ADAMTSL4: variants seen among roughly 807,000 people sequenced by gnomAD.
ADAMTSL4 encodes the protein ADAMTS like 4.
In ADAMTSL4, 97 loss-of-function variants were observed where a neutral mutation model predicts 122.8. The ratio of observed to expected loss-of-function variants is 0.79; its 90% CI spans 0.67 to 0.93. The LOEUF is 0.93. ADAMTSL4 is among the 40% of genes least tolerant of loss of function. ADAMTSL4 has a pLI of 0.00. For missense variants in ADAMTSL4, 1,408 were observed against 1,453.5 expected (o/e 0.97, Z 0.51); for synonymous variants, 592 against 568.0 (o/e 1.04, Z -0.60).
Position 150,556,483 on chromosome 1 carries a change from T to A in ADAMTSL4, c.1576+117T>A, listed in dbSNP as rs1318475285. The A allele has an allele frequency of 1.3e-6, 2 of 1,556,572 alleles. No homozygotes were observed. The highest frequency in any genetic ancestry group is 2.3e-5 in the East Asian group (1 of 44,190). ...GTCCAGGGCCTAGCCCCTCCCCTCG[T>A]GGAAGGAGTGAGGAAGCTGAGAGGG... is the stretch of plus-strand genomic sequence containing the variant. On this transcript the variant is annotated intron_variant, in intron 9 of 18. Coordinates refer to ENST00000271643, the MANE Select transcript of ADAMTSL4 (RefSeq NM_019032.6). The surrounding 1 kb of genome is among the most constrained non-coding windows in gnomAD (Gnocchi z 4.1).
At chr1:150,555,700 C>CACAG in intron 8 of ADAMTSL4, 135 bp downstream of exon 8, 1 of 168,576 alleles carries the variant, frequency 5.9e-6, no homozygotes, top group Non-Finnish European at 7.9e-6. Context: ...CGCATATGCG[C>CACAG]ACAGACACAT....
Position 150,556,973 on chromosome 1 carries a change from A to T in ADAMTSL4, c.1784A>T (p.Tyr595Phe), listed in dbSNP as rs768181457. 1 of 1,613,596 alleles carries T rather than the reference A, an allele frequency of 6.2e-7. No homozygotes were observed. Among genetic ancestry groups the T allele is most frequent in the South Asian group, 1.1e-5 (1 of 91,058 alleles). ...IFQEENPGVF[Y>F]QYVISSPPPI... ...CAGGAGGAAAACCCAGGCGTTTTTT[A>T]TCAGTATGTCATCTCTTCACCTCCT... Residue 595 changes from tyrosine to phenylalanine, a missense_variant, in exon 11 of 19, where the codon TAT becomes TTT. Coordinates refer to ENST00000271643, the MANE Select transcript of ADAMTSL4 (RefSeq NM_019032.6). This position sits in a 1 kb window ranked among gnomAD's most constrained non-coding sequence, Gnocchi z 4.1.
chr1:150,552,881 C>A lies in ADAMTSL4; in HGVS notation c.79-17C>A, dbSNP rs977889757. 1.2e-6 allele frequency: 2 copies of A among 1,608,748 alleles called. No individual in the cohort carries two copies. Among genetic ancestry groups the A allele is most frequent in the African/African-American group, 1.3e-5 (1 of 74,960 alleles). On this transcript the variant is annotated splice_polypyrimidine_tract_variant and intron_variant, in intron 4 of 18. Coordinates refer to ENST00000271643, the MANE Select transcript of ADAMTSL4 (RefSeq NM_019032.6). The surrounding 1 kb of genome is among the most constrained non-coding windows in gnomAD (Gnocchi z 4.0). ...CTCTAATCCTTCCAATTCTGTCTGA[C>A]CTTTTTCTCTATATAGGTGTTGTCC...
intron 8 of ADAMTSL4, among the ~76,000 whole-genome samples, 162 bp downstream of exon 8, chr1:150,555,727 A>G (rs587739867): frequency 1.1e-4 from 16 of 149,718 alleles, no homozygotes; most frequent in East Asian, 1.9e-4. Flanking sequence ...ACGCACACAC[A>G]CACACGCACA....
At position 150,556,188 on chromosome 1, in the gene ADAMTSL4, C is replaced by T. The variant is rs745377350; in HGVS notation, c.1398C>T (p.Gly466=). 7 of 1,614,192 alleles carry T rather than the reference C, an allele frequency of 4.3e-6. No homozygotes were observed. The South Asian group carries it at 7.7e-5, about 18-fold the overall frequency. The change falls in exon 9 of 19, where the codon GGC becomes GGT. Residue 466 remains glycine, a synonymous_variant. Coordinates refer to ENST00000271643, the MANE Select transcript of ADAMTSL4 (RefSeq NM_019032.6). This position sits in a 1 kb window ranked among gnomAD's most constrained non-coding sequence, Gnocchi z 4.1. ...CLSPGCDGIL[G]SGRRPDGCGV... ...GCCCCGGCTGTGATGGGATCCTTGGCTCTGGCAGGCGTCCTGATGGCTGTG... is the reference window on the plus strand; with the variant it reads ...GCCCCGGCTGTGATGGGATCCTTGGTTCTGGCAGGCGTCCTGATGGCTGTG...
At chr1:150,551,930 G>T in intron 2 of ADAMTSL4, 1 of 315,702 alleles carries the variant, frequency 3.2e-6, no homozygotes, top group East Asian at 5.4e-5. Flanking sequence ...GCCTGAGCCG[G>T]CTTAGAAACA....
In ADAMTSL4 at chr1:150,553,067, C is replaced by T. The variant is rs1165572545; in HGVS notation, c.248C>T (p.Pro83Leu). 6.2e-7 allele frequency: 1 copy of T among 1,613,306 alleles called. No individual in the cohort carries two copies. Among genetic ancestry groups the T allele is most frequent in the Admixed American group, 1.7e-5 (1 of 59,988 alleles). Residue 83 changes from proline to leucine, a missense_variant, in exon 5 of 19, where the codon CCC (proline) becomes CTC (leucine). Coordinates refer to ENST00000271643, the MANE Select transcript of ADAMTSL4 (RefSeq NM_019032.6). ...ACAGTGCAGCTCCACCCGAGTCTGC[C>T]CCTCCCTCCCCGGCCCCCAAGACAT... ...LPTVQLHPSLPLPPRPPRHPE... is the reference protein window; with the variant it reads ...LPTVQLHPSLLLPPRPPRHPE...
rs1570951013 is a variant in ADAMTSL4 at position 150,557,238 on chromosome 1, G to C, written c.1950G>C (p.Gln650His). 1.9e-6 allele frequency: 3 copies of C among 1,605,676 alleles called. No homozygotes were observed. The highest frequency in any genetic ancestry group is 1.3e-5 in the African/African-American group (1 of 74,816). Reference sequence around the variant, plus strand: ...TCCAGCGTCAGGTGCGGATCCCCCAGATGCCCGCCCCGCCCCATCCCAGGA... The same window carrying C: ...TCCAGCGTCAGGTGCGGATCCCCCACATGCCCGCCCCGCCCCATCCCAGGA... ...GTLQRQVRIP[Q>H]MPAPPHPRTP... The change falls in exon 12 of 19, where the codon CAG (glutamine) becomes CAC (histidine). Residue 650 changes from glutamine to histidine, a missense_variant. By Grantham distance (24) the Gln-to-His change is conservative. Coordinates refer to ENST00000271643, the MANE Select transcript of ADAMTSL4 (RefSeq NM_019032.6).
chr1:150,555,708 CAT>C, intron 8 of ADAMTSL4, 143 bp downstream of exon 8: 1 of 1,175,568 alleles, frequency 8.5e-7, no homozygotes, highest in Non-Finnish European at 1.2e-6. Context: ...CGCACAGACA[CAT>C]GCACACACGC....
Position 150,553,953 on chromosome 1 carries a change from G to C in ADAMTSL4, c.962G>C (p.Gly321Ala). 6.2e-7 allele frequency: 1 copy of C among 1,610,282 alleles called. No homozygotes were observed. The highest frequency in any genetic ancestry group is 1.1e-5 in the South Asian group (1 of 90,798). ...GGCCAAGGGCCTTGGGGAACGGGGG[G>C]GACTCCTCACGGGCCCCGCCTGGAG... is the stretch of plus-strand genomic sequence containing the variant. ...QQGQGPWGTG[G>A]TPHGPRLEPD... The change falls in exon 6 of 19, where the codon GGG (glycine) becomes GCG (alanine). Residue 321 changes from glycine to alanine, a missense_variant. Physicochemically the swap from Gly to Ala is moderately conservative, Grantham distance 60. Coordinates refer to ENST00000271643, the MANE Select transcript of ADAMTSL4 (RefSeq NM_019032.6).
chr1:150,557,531 G>T lies in ADAMTSL4; in HGVS notation c.2085G>T (p.Glu695Asp), dbSNP rs2101640451. The change falls in exon 13 of 19, where the codon GAG becomes GAT. Residue 695 changes from glutamate (E) to aspartate (D), a missense_variant. Physicochemically the swap from Glu to Asp is conservative, Grantham distance 45. Transcript: ENST00000271643. ...WRPIFLCISR[E>D]SGEELDERSC... ...CCATTTTCCTCTGCATCTCCCGTGA[G>T]TCGGGAGAGGAACTGGATGAACGCA... The T allele has an allele frequency of 1.2e-6, 2 of 1,612,380 alleles. No homozygotes were observed. Among genetic ancestry groups the T allele is most frequent in the Middle Eastern group, 1.6e-4 (1 of 6,062 alleles).
In ADAMTSL4 at chr1:150,556,110, T is replaced by C. The variant is rs1672079839; in HGVS notation, c.1372-52T>C. 1 of 1,599,396 alleles carries C rather than the reference T, an allele frequency of 6.3e-7. No individual in the cohort carries two copies. Among genetic ancestry groups the C allele is most frequent in the Non-Finnish European group, 8.5e-7 (1 of 1,169,726 alleles). On this transcript the variant is annotated intron_variant, in intron 8 of 18. Coordinates refer to ENST00000271643, the MANE Select transcript of ADAMTSL4 (RefSeq NM_019032.6). The surrounding 1 kb of genome is among the most constrained non-coding windows in gnomAD (Gnocchi z 4.1). Reference sequence around the variant, plus strand: ...GGCTCCCGAGGGGACCGGGGTGGGGTTGAGGTGGTGTCTGGCGTTCTGTGG... The same window carrying C: ...GGCTCCCGAGGGGACCGGGGTGGGGCTGAGGTGGTGTCTGGCGTTCTGTGG...
chr1:150,554,686 G>A lies in ADAMTSL4; in HGVS notation c.1234+219G>A, dbSNP rs1198123291. 3.9e-6 allele frequency: 6 copies of A among 1,528,002 alleles called. No homozygotes were observed. Among genetic ancestry groups the A allele is most frequent in the Non-Finnish European group, 3.5e-6 (4 of 1,140,710 alleles). 94.7% of individuals were successfully genotyped at this position (1,528,002 alleles called of 1,614,324 possible). A position where few individuals can be genotyped will look rare whatever the true frequency, so the allele number is the denominator to read the frequency against. On this transcript the variant is annotated intron_variant, in intron 7 of 18. Transcript: ENST00000271643. The surrounding 1 kb of genome is among the most constrained non-coding windows in gnomAD (Gnocchi z 4.0). ...TGGGAGGAGGAGGTGTGGGAGACAC[G>A]CTTTGTCCGGACTCCCCTGGGAAGG... is the stretch of plus-strand genomic sequence containing the variant.
chr1:150,559,884 C>T lies in ADAMTSL4; in HGVS notation c.3067C>T (p.Gln1023Ter). The change falls in exon 18 of 19, where the codon CAA becomes TAA. Residue 1023 changes from glutamine (Q) to a stop codon, truncating the protein, a stop_gained. Coordinates refer to ENST00000271643, the MANE Select transcript of ADAMTSL4 (RefSeq NM_019032.6). LOFTEE classifies it high-confidence loss of function. This position sits in a 1 kb window ranked among gnomAD's most constrained non-coding sequence, Gnocchi z 4.1. ...RPSRKRPCNS[Q>*]PCSQRPDDQC... ...CTCCAGGAAGCGCCCCTGTAACAGC[C>T]AACCCTGCAGCCAGCGCCCTGGTAA... 6.2e-7 allele frequency: 1 copy of T among 1,614,052 alleles called. No individual in the cohort carries two copies. Among genetic ancestry groups the T allele is most frequent in the Non-Finnish European group, 8.5e-7 (1 of 1,180,026 alleles).
intron 5 of ADAMTSL4, 63 bp downstream of exon 5, chr1:150,553,316 G>C: frequency 6.2e-7 from 1 of 1,606,358 alleles, no homozygotes; most frequent in East Asian, 2.2e-5. Context: ...TGAAGGAAAG[G>C]GGAGCACGGG....
chr1:150,552,927 TAC>T lies in ADAMTSL4; in HGVS notation c.110_111del (p.Thr37ArgfsTer145). On this transcript the variant is annotated frameshift_variant, in exon 5 of 19. Coordinates refer to ENST00000271643, the MANE Select transcript of ADAMTSL4 (RefSeq NM_019032.6). LOFTEE classifies it high-confidence loss of function. The surrounding 1 kb of genome is among the most constrained non-coding windows in gnomAD (Gnocchi z 4.0). Reference sequence around the variant, plus strand: ...TGTCCGGACACTCTCTTCAGACACCTACAGAGGAGGGCCAGGGCCCCGAAGGT... The same window carrying T: ...TGTCCGGACACTCTCTTCAGACACCTAGAGGAGGGCCAGGGCCCCGAAGGT... ...VLSGHSLQTP[T>X]EEGQGPEGVW... 6.2e-7 allele frequency: 1 copy of T among 1,612,960 alleles called. No individual in the cohort carries two copies. Among genetic ancestry groups the T allele is most frequent in the Non-Finnish European group, 8.5e-7 (1 of 1,179,976 alleles).
Position 150,553,963 on chromosome 1 carries a change from C to G in ADAMTSL4, c.972C>G (p.His324Gln), listed in dbSNP as rs747989912. 6.2e-7 allele frequency: 1 copy of G among 1,609,952 alleles called. No homozygotes were observed. Residue 324 changes from histidine to glutamine, a missense_variant, in exon 6 of 19, where the codon CAC (histidine) becomes CAG (glutamine). Coordinates refer to ENST00000271643, the MANE Select transcript of ADAMTSL4 (RefSeq NM_019032.6). ...QGPWGTGGTPHGPRLEPDPQH... is the reference protein window; with the variant it reads ...QGPWGTGGTPQGPRLEPDPQH... ...CTTGGGGAACGGGGGGGACTCCTCA[C>G]GGGCCCCGCCTGGAGCCTGACCCTC...
At chr1:150,550,390 C>A (rs113967089) in intron 2 of ADAMTSL4, 7 of 444,382 alleles carry the variant, frequency 1.6e-5, no homozygotes, top group Middle Eastern at 1.4e-3. Flanking sequence ...AGGCCTGGCC[C>A]GGGCCCCGGG....
chr1:150,555,830 GACACATGCACACACATGTAGAC>G, intron 8 of ADAMTSL4: 1 of 615,644 alleles, frequency 1.6e-6, no homozygotes, highest in Non-Finnish European at 2.9e-6. Context: ...CACGTATGCA[GACACATGCACACACATGTAGAC>G]ACACATGCAT....
Sources: gnomAD v4.1 joint callset for allele counts (sites outside exome capture counted in the v4.1 genomes callset) on GRCh38, gnomAD v4.1.1 for gene constraint, Gnocchi (gnomAD v3.1) non-coding constraint, MANE v1.5 for transcripts, NCBI Gene and HGNC (gene_info 2026-07-23, HGNC 2026-07-21) for gene names.